The following PPP4R4 variants were observed in gnomAD, a reference collection of about 807,000 sequenced individuals.
PPP4R4 encodes the protein serine/threonine-protein phosphatase 4 regulatory subunit 4.
A neutral mutation model predicts 121.8 loss-of-function variants in PPP4R4; 70 were observed. The observed-to-expected ratio is 0.57, with a 90% CI of 0.47 to 0.70. The LOEUF (loss-of-function observed/expected upper bound fraction) is 0.70. Ranked by LOEUF, PPP4R4 falls within the 30% of genes least tolerant of loss-of-function variation. The probability of loss-of-function intolerance (pLI) is 0.00; values close to 1 mark genes in which losing one functional copy is unlikely to be tolerated. For synonymous variants in PPP4R4, 348 were observed against 355.7 expected (o/e 0.98, Z 0.24); for missense variants, 875 against 1,033.6 (o/e 0.85, Z 2.10).
Position 94,230,643 on chromosome 14 carries a change from G to C in PPP4R4, c.351G>C (p.Leu117=), listed in dbSNP as rs1891970633. The change falls in exon 4 of 25, where the codon CTG becomes CTC. Residue 117 remains leucine, a synonymous_variant. Coordinates refer to ENST00000304338, the MANE Select transcript of PPP4R4 (RefSeq NM_058237.2). ...AGTTAACGGCTGCGATGTCATTTCTGACCATTCTGCAGGACGAATCAGTGT... is the reference window on the plus strand; with the variant it reads ...AGTTAACGGCTGCGATGTCATTTCTCACCATTCTGCAGGACGAATCAGTGT... ...EMQLTAAMSF[L]TILQDESVSI... 1.2e-6 allele frequency: 2 copies of C among 1,612,904 alleles called. No homozygotes were observed. The highest frequency in any genetic ancestry group is 1.7e-6 in the Non-Finnish European group (2 of 1,178,864).
intron 3 of PPP4R4, among the ~76,000 whole-genome samples, chr14:94,215,899 G>C (rs1890994872): frequency 6.6e-6 from 1 of 152,104 alleles, no homozygotes; most frequent in South Asian, 2.1e-4. Context: ...TTAAAGTTCT[G>C]TGAAACATTT....
At chr14:94,227,880 T>C (rs1224095959) in intron 3 of PPP4R4, 2 of 984,962 alleles carry the variant, frequency 2.0e-6, no homozygotes, top group South Asian at 4.7e-5. Context: ...ACATCAAATC[T>C]TTTAAAAGTG....
In PPP4R4 at chr14:94,188,058, T is replaced by A. The variant is rs1268295011; in HGVS notation, c.191+11931T>A. On this transcript the variant is annotated intron_variant, in intron 2 of 24. Transcript: ENST00000304338. ...GAGAAAGCATTCTGTCTCTTACCATTAACTATATATAATGTGGTGGTACTT... is the reference window on the plus strand; with the variant it reads ...GAGAAAGCATTCTGTCTCTTACCATAAACTATATATAATGTGGTGGTACTT... Among the ~76,000 whole-genome samples, 4 of 152,178 alleles carry A rather than the reference T, an allele frequency of 2.6e-5. No homozygotes were observed. The East Asian group carries it at 7.7e-4, about 29-fold the overall frequency.
intron 24 of PPP4R4, among the ~76,000 whole-genome samples, chr14:94,276,309 T>G (rs1894636088): frequency 6.6e-6 from 1 of 152,232 alleles, no homozygotes; most frequent in Non-Finnish European, 1.5e-5. Context: ...AAATACATTC[T>G]TTTGCAAAAA....
chr14:94,248,331 T>A (rs927389394), intron 14 of PPP4R4, among the ~76,000 whole-genome samples: 22 of 151,954 alleles, frequency 1.4e-4, no homozygotes, highest in South Asian at 4.1e-4. Flanking sequence ...AAAAAAAATA[T>A]CCAGTAACAC....
chr14:94,268,248 T>C (rs751603557), intron 23 of PPP4R4, among the ~76,000 whole-genome samples: 7 of 152,192 alleles, frequency 4.6e-5, no homozygotes, highest in Non-Finnish European at 8.8e-5. Flanking sequence ...CAGATGATTA[T>C]AGATGTTCAT....
chr14:94,227,009 A>T (rs1370296869), intron 3 of PPP4R4, among the ~76,000 whole-genome samples: 1 of 152,172 alleles, frequency 6.6e-6, no homozygotes, highest in Non-Finnish European at 1.5e-5. Flanking sequence ...CCTCTCTGCA[A>T]GGAGTGTATT....
At chr14:94,243,753 T>C (rs1892748102) in intron 11 of PPP4R4, among the ~76,000 whole-genome samples, 1 of 151,876 alleles carries the variant, frequency 6.6e-6, no homozygotes, top group Non-Finnish European at 1.5e-5. Context: ...TGCCTCTCCA[T>C]AAAATGAGGG....
At position 94,242,431 on chromosome 14, in the gene PPP4R4, A is replaced by G. The variant is rs10129800; in HGVS notation, c.1266+23A>G. 1,165 of 1,592,178 alleles carry G rather than the reference A, an allele frequency of 7.3e-4. 8 individuals carry two copies. The African/African-American group carries it at 0.014, about 20-fold the overall frequency. On this transcript the variant is annotated intron_variant, in intron 11 of 24. Transcript: ENST00000304338. ...GAAGTAAGTCTGAAGACTTGATATC[A>G]CTTTACGTTTGTTGTTAATTCTACC...
In PPP4R4 at chr14:94,275,404, G is replaced by A. The variant is rs759088931; in HGVS notation, c.2480G>A (p.Ser827Asn). 6.2e-7 allele frequency: 1 copy of A among 1,613,960 alleles called. No homozygotes were observed. The highest frequency in any genetic ancestry group is 8.5e-7 in the Non-Finnish European group (1 of 1,179,908). Reference protein sequence around the residue: ...DDSFRTRNASSVPSSFSPNTP... With the variant: ...DDSFRTRNASNVPSSFSPNTP... ...TCATTCCGGACTCGTAATGCCAGTA[G>A]CGTTCCATCTTCCTTTTCTCCTAAT... is the stretch of plus-strand genomic sequence containing the variant. The change falls in exon 24 of 25, where the codon AGC (serine) becomes AAC (asparagine). Residue 827 changes from serine to asparagine, a missense_variant. Coordinates refer to ENST00000304338, the MANE Select transcript of PPP4R4 (RefSeq NM_058237.2).
chr14:94,265,936 C>T, intron 22 of PPP4R4, 49 bp downstream of exon 22: 1 of 1,227,208 alleles, frequency 8.1e-7, no homozygotes, highest in South Asian at 1.4e-5. Flanking sequence ...TATCTTTATT[C>T]ACATCTTCAT....
chr14:94,253,176 G>T (rs1893281008), intron 16 of PPP4R4, among the ~76,000 whole-genome samples: 1 of 152,132 alleles, frequency 6.6e-6, no homozygotes, highest in South Asian at 2.1e-4. Context: ...GAACCTTTTG[G>T]GCTGGGCGTC....
chr14:94,276,828 A>AAATAAATTC (rs968995100), intron 24 of PPP4R4, among the ~76,000 whole-genome samples: 2 of 152,220 alleles, frequency 1.3e-5, no homozygotes, highest in African/African-American at 4.8e-5. Context: ...AAATTTATTG[A>AAATAAATTC]CTAGAGCTCA....
chr14:94,269,152 A>G (rs1357456460), intron 23 of PPP4R4, among the ~76,000 whole-genome samples: 2 of 152,324 alleles, frequency 1.3e-5, no homozygotes, highest in South Asian at 2.1e-4. Flanking sequence ...AGATGTTTGC[A>G]TAGAGAAGAG....
Position 94,187,738 on chromosome 14 carries a change from A to AT in PPP4R4, c.191+11616dup, listed in dbSNP as rs369649519. 1.2e-3 allele frequency among the ~76,000 whole-genome samples: 172 copies of AT among 147,896 alleles called. 1 individual carries two copies. Among genetic ancestry groups the AT allele is most frequent in the African/African-American group, 4.1e-3 (165 of 39,932 alleles). On this transcript the variant is annotated intron_variant, in intron 2 of 24. Transcript: ENST00000304338. ...TGTGACGCTTTCTTCACTTTTCCTT[A>AT]TTTTTCATGATCTTGATAGTTTTGA...
At chr14:94,187,732 T>G (rs566017815) in intron 2 of PPP4R4, among the ~76,000 whole-genome samples, 2 of 152,304 alleles carry the variant, frequency 1.3e-5, no homozygotes, top group Admixed American at 6.5e-5. Flanking sequence ...TTCTTCACTT[T>G]TCCTTATTTT....
chr14:94,265,998 A>G (rs562963428), intron 22 of PPP4R4, 111 bp downstream of exon 22: 23 of 727,768 alleles, frequency 3.2e-5, no homozygotes, highest in African/African-American at 1.7e-4. Flanking sequence ...AGGTTTTTTT[A>G]TAGGCCAGTA....
chr14:94,209,725 G>A (rs535554281), intron 3 of PPP4R4, among the ~76,000 whole-genome samples: 1 of 152,208 alleles, frequency 6.6e-6, no homozygotes, highest in South Asian at 2.1e-4. Context: ...ACACCTGGAA[G>A]TGCCAGTTAA....
intron 8 of PPP4R4, among the ~76,000 whole-genome samples, chr14:94,238,532 G>A (rs1204594627): frequency 6.6e-6 from 1 of 152,084 alleles, no homozygotes. Context: ...TTTGGGATGG[G>A]GTATTTGAGT....
Sources: allele counts gnomAD v4.1 joint callset (sites outside exome capture counted in the v4.1 genomes callset), GRCh38; gene constraint gnomAD v4.1.1; transcripts MANE v1.5; gene names NCBI Gene and HGNC (gene_info 2026-07-23, HGNC 2026-07-21).